Variants in DENND2B observed in about 807,000 individuals in gnomAD.
DENND2B encodes the protein DENN domain containing 2B, also known as DENN domain-containing protein 2B.
A neutral mutation model predicts 116.0 loss-of-function variants in DENND2B; 32 were observed. That is an observed-to-expected ratio of 0.28 (90% CI 0.21 to 0.37). The LOEUF (loss-of-function observed/expected upper bound fraction) is 0.37, where lower values mean the gene tolerates loss of function less well. Ranked by LOEUF, DENND2B falls within the 10% of genes least tolerant of loss-of-function variation. The probability of loss-of-function intolerance (pLI) is 1.00; values close to 1 mark genes in which losing one functional copy is unlikely to be tolerated. For missense variants in DENND2B, 1,276 were observed against 1,477.7 expected (o/e 0.86, Z 2.24); for synonymous variants, 588 against 583.9 (o/e 1.01, Z -0.10).
chr11:8,815,369 G>T (rs79752735), upstream of DENND2B, among the ~76,000 whole-genome samples: 3,215 of 152,250 alleles, frequency 0.021, 91 homozygotes, highest in East Asian at 0.1. Flanking sequence ...CAACAGCAGT[G>T]TGACTACATC....
In DENND2B at chr11:8,697,622, G is replaced by A; in HGVS notation, c.2955C>T (p.Asp985=). The A allele has an allele frequency of 2.5e-6, 4 of 1,613,662 alleles. No individual in the cohort carries two copies. Among genetic ancestry groups the A allele is most frequent in the Non-Finnish European group, 3.4e-6 (4 of 1,179,526 alleles). The change falls in exon 17 of 20, where the codon GAC becomes GAT. Residue 985 remains aspartate (D), a synonymous_variant. Coordinates refer to ENST00000313726, the MANE Select transcript of DENND2B (RefSeq NM_213618.2). ...DRFIRQMDDE[D]TLLPRKLQAA... is the part of the protein sequence containing the mutation. ...CCTGTAACTTCCTAGGTAACAACGT[G>A]TCTTCGTCGTCCATCTGCAGGAGAA...
intron 4 of DENND2B, among the ~76,000 whole-genome samples, chr11:8,832,901 G>A (rs1274473753): frequency 2.0e-5 from 3 of 152,252 alleles, no homozygotes; most frequent in African/African-American, 7.2e-5. Flanking sequence ...AGCAGCGGCT[G>A]CACTTGAATG....
upstream of DENND2B, chr11:8,811,091 G>A: frequency 2.6e-6 from 1 of 391,344 alleles, no homozygotes; most frequent in Non-Finnish European, 4.5e-6. Context: ...AGCGCTTGAA[G>A]GGGACCCAGC....
chr11:8,823,263 A>C (rs1038741340), intron 4 of DENND2B, among the ~76,000 whole-genome samples: 1 of 152,196 alleles, frequency 6.6e-6, no homozygotes, highest in Non-Finnish European at 1.5e-5. Context: ...TTAAAGAAAA[A>C]AAAATCAGAG....
At chr11:8,801,701 GAAAC>G (rs1555199003) in intron 1 of DENND2B, among the ~76,000 whole-genome samples, 1 of 145,644 alleles carries the variant, frequency 6.9e-6, no homozygotes, top group East Asian at 2.0e-4. Context: ...AAGAAAGAAA[GAAAC>G]AAACAAACAC....
intron 5 of DENND2B, among the ~76,000 whole-genome samples, chr11:8,716,200 C>A (rs1210857869): frequency 2.0e-5 from 3 of 152,180 alleles, no homozygotes; most frequent in Non-Finnish European, 4.4e-5. Flanking sequence ...CCGAGCCAAT[C>A]CTAAAAGGTT....
intron 4 of DENND2B, among the ~76,000 whole-genome samples, chr11:8,816,346 G>T (rs1425611698): frequency 6.6e-6 from 1 of 152,164 alleles, no homozygotes; most frequent in Non-Finnish European, 1.5e-5. Context: ...AGGAGTTCAA[G>T]ACTAGCCTGG....
intron 4 of DENND2B, chr11:8,718,599 C>T (rs1418143264): frequency 1.5e-6 from 2 of 1,349,272 alleles, no homozygotes; most frequent in African/African-American, 1.5e-5. Flanking sequence ...AAAAGAGAAC[C>T]ATCAACACTC....
intron 2 of DENND2B, among the ~76,000 whole-genome samples, chr11:8,862,399 G>A (rs575295348): frequency 2.3e-5 from 3 of 132,988 alleles, no homozygotes; most frequent in South Asian, 4.8e-4. Context: ...CCACAGTCTC[G>A]ACTCACTGCA....
intron 2 of DENND2B, among the ~76,000 whole-genome samples, chr11:8,732,425 A>G (rs1361725632): frequency 1.3e-5 from 2 of 152,090 alleles, no homozygotes; most frequent in Non-Finnish European, 2.9e-5. Context: ...CACTGGGCTG[A>G]CTCTCTGAAG....
rs779806102 is a variant in DENND2B at position 8,729,974 on chromosome 11, C to T, written c.1316G>A (p.Arg439His). Residue 439 changes from arginine (R) to histidine (H), a missense_variant, in exon 3 of 20, where the codon CGT (arginine) becomes CAT (histidine). Physicochemically the swap from Arg to His is conservative, Grantham distance 29. Transcript: ENST00000313726. The part of the protein sequence containing the change: ...PVTRRPKKDM[R>H]GHRKSQSRKS... ...CCTGCTCTGGGACTTGCGGTGACCA[C>T]GCATGTCCTTCTTGGGTCTCCGGGT... The T allele has an allele frequency of 2.7e-5, 43 of 1,614,010 alleles. No individual in the cohort carries two copies. The highest frequency in any genetic ancestry group is 3.6e-5 in the Non-Finnish European group (43 of 1,180,010).
At chr11:8,772,145 A>ACC (rs1658786391) in intron 1 of DENND2B, among the ~76,000 whole-genome samples, 1 of 151,580 alleles carries the variant, frequency 6.6e-6, no homozygotes, top group Non-Finnish European at 1.5e-5. Context: ...ACACACACAC[A>ACC]CACACACACA....
At chr11:8,804,631 GCCTC>G (rs2060675327) in intron 1 of DENND2B, among the ~76,000 whole-genome samples, 2 of 140,776 alleles carry the variant, frequency 1.4e-5, no homozygotes, top group African/African-American at 5.3e-5. Flanking sequence ...TGCAACCTCC[GCCTC>G]CCAGGTTCAA....
chr11:8,820,024 T>C (rs1371632661), intron 4 of DENND2B, among the ~76,000 whole-genome samples: 2 of 152,104 alleles, frequency 1.3e-5, no homozygotes, highest in Non-Finnish European at 2.9e-5. Flanking sequence ...GATAAGTAAA[T>C]AAAAGTATAT....
intron 15 of DENND2B, 46 bp from the exon 16 acceptor site, chr11:8,699,020 G>A (rs200329299): frequency 2.0e-4 from 319 of 1,606,660 alleles, no homozygotes; most frequent in Admixed American, 1.5e-3. Context: ...CATGAGTCCC[G>A]CAATGCCCTC....
At chr11:8,748,601 C>G (rs1469601145) in intron 2 of DENND2B, among the ~76,000 whole-genome samples, 1 of 150,422 alleles carries the variant, frequency 6.6e-6, no homozygotes, top group African/African-American at 2.5e-5. Context: ...ACACCAAAAG[C>G]CAGGCTCCCA....
intron 1 of DENND2B, among the ~76,000 whole-genome samples, chr11:8,759,511 A>C (rs561019394): frequency 6.6e-6 from 1 of 152,278 alleles, no homozygotes; most frequent in East Asian, 1.9e-4. Flanking sequence ...TTTCTGCTAC[A>C]TCTATGTTCC....
intron 4 of DENND2B, among the ~76,000 whole-genome samples, chr11:8,838,054 C>T (rs980525076): frequency 5.9e-5 from 9 of 152,202 alleles, no homozygotes; most frequent in Non-Finnish European, 8.8e-5. Context: ...CTTAAGTTAT[C>T]CTCGTCAGAG....
intron 1 of DENND2B, among the ~76,000 whole-genome samples, chr11:8,790,692 C>T (rs1002243394): frequency 9.9e-5 from 15 of 152,106 alleles, no homozygotes; most frequent in Admixed American, 9.8e-4. Flanking sequence ...TCACTTGAGT[C>T]CAGGAGGTAG....
Sources: allele counts gnomAD v4.1 joint callset (sites outside exome capture counted in the v4.1 genomes callset), GRCh38; gene constraint gnomAD v4.1.1; transcripts MANE v1.5; gene names NCBI Gene and HGNC (gene_info 2026-07-23, HGNC 2026-07-21).